Variants in TTLL5 observed in about 807,000 individuals in gnomAD.
TTLL5 encodes tubulin tyrosine ligase like 5.
In TTLL5, 132 loss-of-function variants were observed where a neutral mutation model predicts 168.4. The ratio of observed to expected loss-of-function variants is 0.78; its 90% CI spans 0.68 to 0.91. TTLL5 has a LOEUF of 0.91. TTLL5 is among the 40% of genes least tolerant of loss of function. The pLI, the probability that TTLL5 is intolerant of heterozygous loss-of-function variation, is 0.00. For missense variants in TTLL5, 1,545 were observed against 1,581.5 expected (o/e 0.98, Z 0.39); for synonymous variants, 546 against 558.6 (o/e 0.98, Z 0.32).
chr14:75,781,726 A>G (rs1240537580), intron 24 of TTLL5, among the ~76,000 whole-genome samples: 3 of 152,134 alleles, frequency 2.0e-5, no homozygotes. Flanking sequence ...AAGCTGAGGC[A>G]GGTGGATCAC....
At chr14:75,710,921 A>G (rs1887030766) in intron 9 of TTLL5, 3 of 152,178 alleles carry the variant, frequency 2.0e-5, no homozygotes, top group Admixed American at 2.0e-4. Context: ...AGGCAAATAC[A>G]ATTCATTTCC....
chr14:75,809,644 A>G (rs936818673), intron 27 of TTLL5, among the ~76,000 whole-genome samples: 1 of 152,142 alleles, frequency 6.6e-6, no homozygotes, highest in Non-Finnish European at 1.5e-5. Context: ...TTTTCCTACT[A>G]TACTTTCGAA....
intron 15 of TTLL5, 47 bp from the exon 16 acceptor site, chr14:75,745,048 G>A: frequency 1.3e-6 from 2 of 1,534,522 alleles, no homozygotes; most frequent in Non-Finnish European, 1.8e-6. Flanking sequence ...GAGGAGTAAT[G>A]AAAACTTAAA....
rs368024654 is a variant in TTLL5, at chr14:75,781,838, C to T, written c.2516-649C>T. ...GGTGTGGTGGCAGGCACCTGTAAAT[C>T]CCAAGTACTCAGGAGGCTGAGGCAG... On this transcript the variant is annotated intron_variant, in intron 24 of 31. Coordinates refer to ENST00000298832, the MANE Select transcript of TTLL5 (RefSeq NM_015072.5). 9.9e-5 allele frequency among the ~76,000 whole-genome samples: 15 copies of T among 152,024 alleles called. No individual in the cohort carries two copies. The East Asian group carries it at 1.5e-3, about 16-fold the overall frequency.
At chr14:75,703,023 C>T (rs772634320) in intron 7 of TTLL5, among the ~76,000 whole-genome samples, 1 of 152,184 alleles carries the variant, frequency 6.6e-6, no homozygotes, top group African/African-American at 2.4e-5. Context: ...ATAACCATCC[C>T]CTCTTTTCCA....
chr14:75,728,373 AAGAG>A (rs540512880), intron 12 of TTLL5, among the ~76,000 whole-genome samples: 1,643 of 151,442 alleles, frequency 0.011, 22 homozygotes, highest in Non-Finnish European at 0.019. Context: ...AAAAAAAAAA[AAGAG>A]AGAAAAAGAG....
chr14:75,693,057 G>A (rs991250998), intron 6 of TTLL5, among the ~76,000 whole-genome samples: 1 of 152,128 alleles, frequency 6.6e-6, no homozygotes, highest in African/African-American at 2.4e-5. Flanking sequence ...AGGCAGGAGA[G>A]GGTTAAATCA....
chr14:75,811,237 C>T (rs1298292533), intron 27 of TTLL5, among the ~76,000 whole-genome samples: 2 of 150,928 alleles, frequency 1.3e-5, no homozygotes, highest in Non-Finnish European at 2.9e-5. Flanking sequence ...CCAAGGTTCT[C>T]ATATAGCATG....
Position 75,720,674 on chromosome 14 carries a change from CCTT to C in TTLL5, c.1014_1016del (p.Phe339del). The C allele has an allele frequency of 6.2e-7, 1 of 1,613,644 alleles. No individual in the cohort carries two copies. The highest frequency in any genetic ancestry group is 2.2e-5 in the East Asian group (1 of 44,872). ...CTAGCTATTGCTACTGCCTGTAAAACCTTTGTTCCTCATCGCAGCAGTTGTTTT... is the reference window on the plus strand; with the variant it reads ...CTAGCTATTGCTACTGCCTGTAAAACTGTTCCTCATCGCAGCAGTTGTTTT... On this transcript the variant is annotated inframe_deletion, in exon 12 of 32. Transcript: ENST00000298832.
At chr14:75,745,328 A>G (rs1231451561) in intron 16 of TTLL5, 120 bp downstream of exon 16, 5 of 1,220,072 alleles carry the variant, frequency 4.1e-6, no homozygotes, top group Non-Finnish European at 5.8e-6. Flanking sequence ...AAGATTCAAG[A>G]TTGGAGAAAT....
At chr14:75,924,610 C>A (rs1056933074) in intron 31 of TTLL5, among the ~76,000 whole-genome samples, 1 of 151,808 alleles carries the variant, frequency 6.6e-6, no homozygotes, top group African/African-American at 2.4e-5. Context: ...GTAAGGTCAC[C>A]GATCAACAGG....
At chr14:75,709,319 TTCA>T (rs1886884064) in intron 9 of TTLL5, 1 of 680,068 alleles carries the variant, frequency 1.5e-6, no homozygotes. Context: ...CTTAGTTTTT[TTCA>T]CATGTATCCT....
At chr14:75,705,882 A>G (rs1056720014) in intron 7 of TTLL5, among the ~76,000 whole-genome samples, 2 of 151,770 alleles carry the variant, frequency 1.3e-5, no homozygotes, top group South Asian at 2.1e-4. Flanking sequence ...AGATATTTTA[A>G]TCTTGCTGTT....
chr14:75,705,808 CT>C (rs1487659113), intron 7 of TTLL5, among the ~76,000 whole-genome samples: 2 of 151,924 alleles, frequency 1.3e-5, no homozygotes, highest in African/African-American at 4.8e-5. Context: ...CCCTTTTGTC[CT>C]ACATGGATTG....
intron 7 of TTLL5, among the ~76,000 whole-genome samples, chr14:75,703,763 CTGTT>C (rs1363599480): frequency 6.6e-5 from 10 of 152,128 alleles, no homozygotes; most frequent in African/African-American, 1.9e-4. Context: ...TCTCTTGTTT[CTGTT>C]TGTTTATGTG....
At chr14:75,791,611 T>C (rs994062573) in intron 26 of TTLL5, among the ~76,000 whole-genome samples, 1 of 152,170 alleles carries the variant, frequency 6.6e-6, no homozygotes, top group African/African-American at 2.4e-5. Flanking sequence ...CCACATAGGT[T>C]AGTACATATT....
At chr14:75,730,847 G>A (rs1888486508) in intron 12 of TTLL5, among the ~76,000 whole-genome samples, 2 of 152,154 alleles carry the variant, frequency 1.3e-5, no homozygotes, top group South Asian at 2.1e-4. Flanking sequence ...AGCCTCCTGA[G>A]TAGCTGGGAT....
chr14:75,839,844 A>G (rs1896125068), intron 28 of TTLL5, among the ~76,000 whole-genome samples: 1 of 152,154 alleles, frequency 6.6e-6, no homozygotes, highest in Non-Finnish European at 1.5e-5. Flanking sequence ...TTTGATGCTT[A>G]TTGGCTATTT....
At chr14:75,939,188 C>T (rs2034521814) in intron 31 of TTLL5, among the ~76,000 whole-genome samples, 1 of 152,172 alleles carries the variant, frequency 6.6e-6, no homozygotes, top group African/African-American at 2.4e-5. Flanking sequence ...CCTCCCCACC[C>T]CAGTGCAGCA....
Sources: allele counts gnomAD v4.1 joint callset (sites outside exome capture counted in the v4.1 genomes callset), GRCh38; gene constraint gnomAD v4.1.1; transcripts MANE v1.5; gene names NCBI Gene and HGNC (gene_info 2026-07-23, HGNC 2026-07-21).